PRKG1: variants seen among roughly 807,000 people sequenced by gnomAD.
PRKG1 encodes protein kinase cGMP-dependent 1.
Under a neutral mutation model 88.1 loss-of-function variants are expected in PRKG1, and 35 were observed. That is an observed-to-expected ratio of 0.40 (90% CI 0.30 to 0.53). PRKG1 has a LOEUF of 0.53. Among genes scored for constraint, PRKG1 ranks in the 20% least tolerant of loss-of-function variants. PRKG1 has a pLI of 0.59. For missense variants in PRKG1, 540 were observed against 839.8 expected, an observed-to-expected ratio of 0.64 and a Z score of 4.41; for synonymous variants, 303 against 292.5, an observed-to-expected ratio of 1.04 and a Z score of -0.37.
At chr10:51,197,245 T>C (rs1426059035) in intron 2 of PRKG1, among the ~76,000 whole-genome samples, 1 of 152,132 alleles carries the variant, frequency 6.6e-6, no homozygotes, top group Non-Finnish European at 1.5e-5. Context: ...TGGTGTGTTT[T>C]GAGATATCGT....
chr10:51,472,772 C>T (rs73336254), intron 3 of PRKG1, among the ~76,000 whole-genome samples: 69 of 151,960 alleles, frequency 4.5e-4, no homozygotes, highest in African/African-American at 1.6e-3. Context: ...GCACAAGTAC[C>T]CAGGTACTGT....
intron 2 of PRKG1, among the ~76,000 whole-genome samples, chr10:51,298,625 C>T (rs12251902): frequency 0.14 from 21,267 of 151,986 alleles, 1,576 homozygotes; most frequent in South Asian, 0.19. Flanking sequence ...AACTATAAGC[C>T]TGGAGTCTAG....
At chr10:52,150,185 TTTG>T (rs1837873798) in intron 8 of PRKG1, among the ~76,000 whole-genome samples, 1 of 149,634 alleles carries the variant, frequency 6.7e-6, no homozygotes. Flanking sequence ...ATAATAATAA[TTTG>T]ATTGGCCATA....
intron 2 of PRKG1, among the ~76,000 whole-genome samples, chr10:51,205,982 G>C (rs916017546): frequency 6.6e-6 from 1 of 152,066 alleles, no homozygotes; most frequent in African/African-American, 2.4e-5. Flanking sequence ...TGGATGGGTG[G>C]TTAAATTTTC....
At chr10:51,201,688 C>A (rs1837916526) in intron 2 of PRKG1, among the ~76,000 whole-genome samples, 1 of 152,006 alleles carries the variant, frequency 6.6e-6, no homozygotes, top group Non-Finnish European at 1.5e-5. Context: ...ATTTAGTGAC[C>A]TTATAAGAAG....
At chr10:52,210,435 C>A (rs563176206) in intron 9 of PRKG1, among the ~76,000 whole-genome samples, 10 of 152,066 alleles carry the variant, frequency 6.6e-5, no homozygotes, top group African/African-American at 9.7e-5. Flanking sequence ...CCTGACCACT[C>A]ATTTAAAAAA....
intron 2 of PRKG1, among the ~76,000 whole-genome samples, chr10:51,267,120 CCT>C (rs769409370): frequency 2.0e-4 from 30 of 152,190 alleles, no homozygotes; most frequent in Admixed American, 4.6e-4. Context: ...AATTTTCACC[CCT>C]GTTTCTTAGT....
intron 3 of PRKG1, among the ~76,000 whole-genome samples, chr10:51,559,441 C>T (rs975347720): frequency 3.9e-5 from 6 of 152,104 alleles, no homozygotes; most frequent in East Asian, 1.9e-4. Context: ...ATTATTAGTG[C>T]GTTAGAGACT....
At chr10:51,840,642 G>A (rs1840251188) in intron 4 of PRKG1, among the ~76,000 whole-genome samples, 1 of 151,992 alleles carries the variant, frequency 6.6e-6, no homozygotes, top group Non-Finnish European at 1.5e-5. Flanking sequence ...TGCCTCCTAG[G>A]TTCAAGCAAT....
chr10:51,674,473 C>A (rs1363099795), intron 3 of PRKG1, among the ~76,000 whole-genome samples: 1 of 152,048 alleles, frequency 6.6e-6, no homozygotes, highest in Non-Finnish European at 1.5e-5. Flanking sequence ...TCTTTTTTAA[C>A]TTCAAATTTT....
intron 7 of PRKG1, chr10:52,128,173 CG>C (rs1200277639): frequency 2.3e-5 from 23 of 985,182 alleles, no homozygotes; most frequent in Non-Finnish European, 2.8e-5. Flanking sequence ...GCTCTGACCC[CG>C]GGATTGCTGT....
chr10:51,460,933 G>A (rs1193511982), intron 2 of PRKG1, among the ~76,000 whole-genome samples: 1 of 152,060 alleles, frequency 6.6e-6, no homozygotes, highest in Non-Finnish European at 1.5e-5. Context: ...GAATATGTAT[G>A]TATGCCTCAT....
chr10:51,080,618 G>T (rs774343914), intron 1 of PRKG1, among the ~76,000 whole-genome samples: 3 of 152,170 alleles, frequency 2.0e-5, no homozygotes, highest in Admixed American at 6.5e-5. Context: ...CTCAGAGAAC[G>T]CAAGACAATG....
intron 1 of PRKG1, among the ~76,000 whole-genome samples, chr10:51,085,289 T>C (rs1844220566): frequency 6.6e-6 from 1 of 152,210 alleles, no homozygotes; most frequent in African/African-American, 2.4e-5. Context: ...TAAGAGAAGA[T>C]AGCCTTAGAT....
At chr10:51,266,846 A>G (rs551034903) in intron 2 of PRKG1, among the ~76,000 whole-genome samples, 1 of 152,190 alleles carries the variant, frequency 6.6e-6, no homozygotes, top group Non-Finnish European at 1.5e-5. Flanking sequence ...GGGCAGCTCT[A>G]TTTTCTATAC....
At chr10:51,684,753 GCTA>G (rs1237725775) in intron 3 of PRKG1, among the ~76,000 whole-genome samples, 4 of 152,072 alleles carry the variant, frequency 2.6e-5, no homozygotes, top group Non-Finnish European at 4.4e-5. Flanking sequence ...TGTGGCCCCA[GCTA>G]CTCAAGAGAC....
chr10:51,067,228 G>A (rs903918375), intron 1 of PRKG1, among the ~76,000 whole-genome samples: 2 of 148,630 alleles, frequency 1.3e-5, no homozygotes, highest in African/African-American at 2.5e-5. Context: ...TGTTGCTGTC[G>A]CTCCTTTAAT....
intron 2 of PRKG1, among the ~76,000 whole-genome samples, chr10:51,419,001 C>T (rs888466609): frequency 3.9e-5 from 6 of 152,012 alleles, no homozygotes; most frequent in Admixed American, 1.3e-4. Context: ...ATATGTCTTA[C>T]GTAGTTATTT....
Position 51,009,031 on chromosome 10 carries a change from A to T in PRKG1, c.266+17387A>T, listed in dbSNP as rs192638530. Among the ~76,000 whole-genome samples, 27 of 152,248 alleles carry T rather than the reference A, an allele frequency of 1.8e-4. No homozygotes were observed. In the East Asian group the frequency reaches 5.2e-3, roughly 29 times the overall value. On this transcript the variant is annotated intron_variant, in intron 1 of 17. Coordinates refer to the PRKG1 transcript ENST00000401604. ...GATGGTTTGTGGTTCTCTTGTTTTC[A>T]TGGTATGAGTTTTATAAGGATTTAT... is the stretch of plus-strand genomic sequence containing the variant.
Sources: allele counts gnomAD v4.1 joint callset (sites outside exome capture counted in the v4.1 genomes callset), GRCh38; gene constraint gnomAD v4.1.1; transcripts MANE v1.5; gene names NCBI Gene and HGNC (gene_info 2026-07-23, HGNC 2026-07-21).